Variants in GRIP2 observed in about 807,000 individuals in gnomAD.
GRIP2 encodes the protein glutamate receptor interacting protein 2.
A neutral mutation model predicts 108.3 loss-of-function variants in GRIP2; 58 were observed. That is an observed-to-expected ratio of 0.54 (90% CI 0.43 to 0.67). The LOEUF (loss-of-function observed/expected upper bound fraction) is 0.67, where lower values mean the gene tolerates loss of function less well. Among genes scored for constraint, GRIP2 ranks in the 30% least tolerant of loss-of-function variants. The pLI, the probability that GRIP2 is intolerant of heterozygous loss-of-function variation, is 0.00. For synonymous variants in GRIP2, 586 were observed against 598.2 expected (o/e 0.98, Z 0.30); for missense variants, 1,278 against 1,430.6 (o/e 0.89, Z 1.72).
chr3:14,548,594 C>T (rs536525357), intron 1 of GRIP2, among the ~76,000 whole-genome samples: 47 of 152,204 alleles, frequency 3.1e-4, no homozygotes, highest in Non-Finnish European at 5.9e-4. Flanking sequence ...AGAGTCCCAC[C>T]ACCCACCCAT....
intron 22 of GRIP2, 78 bp from the exon 23 acceptor site, chr3:14,495,067 G>GTCTGGCAT: frequency 6.4e-7 from 1 of 1,553,120 alleles, no homozygotes; most frequent in African/African-American, 1.4e-5. Flanking sequence ...AGGTCCTTTG[G>GTCTGGCAT]TCTGGCATTC....
rs1180226351 is a variant in GRIP2, at chr3:14,514,324, C to T, written c.1461G>A (p.Val487=). Residue 487 remains valine, a synonymous_variant, in exon 12 of 24, where the codon GTG becomes GTA. Coordinates refer to ENST00000621039, the MANE Select transcript of GRIP2 (RefSeq NM_001080423.4). ...ATETLSSPPL[V]CFIEPDSPAE... ...CCGGACTGTCAGGCTCGATGAAGCA[C>T]ACGAGGGGTGGGGAGGACAGGGTCT... is the stretch of plus-strand genomic sequence containing the variant. The T allele has an allele frequency of 6.3e-7, 1 of 1,574,860 alleles. No individual in the cohort carries two copies. Among genetic ancestry groups the T allele is most frequent in the Non-Finnish European group, 8.6e-7 (1 of 1,161,720 alleles).
chr3:14,598,156 C>G, the GRIP2 span, among the ~76,000 whole-genome samples: 1 of 151,652 alleles, frequency 6.6e-6, no homozygotes, highest in Admixed American at 6.6e-5. Context: ...GGACCTGGGG[C>G]AATGAACATT....
chr3:14,509,710 T>A, intron 17 of GRIP2, 110 bp downstream of exon 17: 1 of 1,117,314 alleles, frequency 9.0e-7, no homozygotes, highest in Non-Finnish European at 1.2e-6. Flanking sequence ...TCACCCACAG[T>A]GTCAATGTTG....
chr3:14,545,726 A>G (rs139849837), upstream of GRIP2, among the ~76,000 whole-genome samples: 7 of 152,352 alleles, frequency 4.6e-5, no homozygotes, highest in Non-Finnish European at 1.0e-4. Flanking sequence ...TCAGTGAATG[A>G]GCGAAACACC....
At chr3:14,597,893 G>A in the GRIP2 span, among the ~76,000 whole-genome samples, 4 of 152,180 alleles carry the variant, frequency 2.6e-5, no homozygotes, top group African/African-American at 9.7e-5. Context: ...GGTACAAGGA[G>A]ACATTTAAAA....
At chr3:14,499,361 C>T (rs1693703635) in intron 21 of GRIP2, among the ~76,000 whole-genome samples, 1 of 151,992 alleles carries the variant, frequency 6.6e-6, no homozygotes, top group Admixed American at 6.6e-5. Flanking sequence ...AGCCCACCTG[C>T]CCACAGACAA....
At chr3:14,558,835 A>G (rs1432888727), upstream of GRIP2, among the ~76,000 whole-genome samples, 1 of 152,168 alleles carries the variant, frequency 6.6e-6, no homozygotes, top group Admixed American at 6.5e-5. Context: ...CCCAGCCTGA[A>G]AACTCCCTGA....
At chr3:14,545,087 C>T (rs1187893764), upstream of GRIP2, among the ~76,000 whole-genome samples, 1 of 152,162 alleles carries the variant, frequency 6.6e-6, no homozygotes, top group Non-Finnish European at 1.5e-5. Flanking sequence ...CTCCGACAGC[C>T]GCAAGAGCAA....
rs1376555084 is a variant in GRIP2, at chr3:14,511,566, GA to G, written c.1721-88del. 2 of 1,276,158 alleles carry G rather than the reference GA, an allele frequency of 1.6e-6. No individual in the cohort carries two copies. The highest frequency in any genetic ancestry group is 2.2e-6 in the Non-Finnish European group (2 of 893,016). 79.1% of individuals were successfully genotyped at this position (1,276,158 alleles called of 1,614,324 possible). On this transcript the variant is annotated intron_variant, in intron 14 of 23. Transcript: ENST00000621039. The surrounding 1 kb of genome is among the most constrained non-coding windows in gnomAD (Gnocchi z 4.1). ...GCCCAGGGGTCTGAGTGTGGACTCG[GA>G]GCCACTGGTCCTACTCACATCCTGG...
chr3:14,562,448 A>C, the GRIP2 span, among the ~76,000 whole-genome samples: 1 of 152,216 alleles, frequency 6.6e-6, no homozygotes, highest in Non-Finnish European at 1.5e-5. Flanking sequence ...TCTGAAAAGA[A>C]AAAAATAAAA....
In GRIP2 at chr3:14,507,050, A is replaced by G; in HGVS notation, c.2219-70T>C. On this transcript the variant is annotated intron_variant, in intron 18 of 23. Coordinates refer to ENST00000621039, the MANE Select transcript of GRIP2 (RefSeq NM_001080423.4). This position sits in a 1 kb window ranked among gnomAD's most constrained non-coding sequence, Gnocchi z 4.6. The stretch of plus-strand genomic sequence containing the variant: ...CAGTGAGCCTCAGTTTCTGCATTTC[A>G]GCCTGGTCTGGAAACTCACAGGCAG... 7.0e-7 allele frequency: 1 copy of G among 1,436,184 alleles called. No homozygotes were observed. Among genetic ancestry groups the G allele is most frequent in the East Asian group, 2.5e-5 (1 of 40,036 alleles). 89.0% of individuals were successfully genotyped at this position (1,436,184 alleles called of 1,614,324 possible).
At chr3:14,578,652 G>A in the GRIP2 span, among the ~76,000 whole-genome samples, 1 of 152,150 alleles carries the variant, frequency 6.6e-6, no homozygotes, top group African/African-American at 2.4e-5. Context: ...GGGAGGCAAA[G>A]GTTGCAGTGA....
chr3:14,544,294 A>C (rs1348197854), upstream of GRIP2, among the ~76,000 whole-genome samples: 1 of 152,188 alleles, frequency 6.6e-6, no homozygotes, highest in South Asian at 2.1e-4. Context: ...CACTGGCACT[A>C]GAGTTGGGGC....
At chr3:14,556,126 A>G (rs1197438093), upstream of GRIP2, 1 of 396,572 alleles carries the variant, frequency 2.5e-6, no homozygotes, top group African/African-American at 2.1e-5. Flanking sequence ...CCCCGGAGCC[A>G]GCGGTGGCAT....
chr3:14,535,378 T>G (rs962534666), intron 1 of GRIP2, among the ~76,000 whole-genome samples: 1 of 152,186 alleles, frequency 6.6e-6, no homozygotes, highest in Non-Finnish European at 1.5e-5. Flanking sequence ...GCCCACCTCA[T>G]GGGTTGCTGG....
intron 23 of GRIP2, among the ~76,000 whole-genome samples, chr3:14,494,224 A>C (rs1157267947): frequency 6.6e-6 from 1 of 152,232 alleles, no homozygotes; most frequent in Admixed American, 6.5e-5. Context: ...TTTCACTCCT[A>C]ATGGAGACAA....
chr3:14,496,837 T>C (rs1205473900), intron 21 of GRIP2, among the ~76,000 whole-genome samples: 1 of 152,254 alleles, frequency 6.6e-6, no homozygotes, highest in Non-Finnish European at 1.5e-5. Flanking sequence ...ACTCATTTTA[T>C]TCTCTACAGT....
At chr3:14,525,401 C>A (rs757623763) in intron 3 of GRIP2, 36 bp downstream of exon 3, 94 of 1,603,130 alleles carry the variant, frequency 5.9e-5, no homozygotes, top group Middle Eastern at 3.3e-4. Context: ...TGCCTCTGCA[C>A]CCCCCTCCTG....
Sources: gnomAD v4.1 joint callset for allele counts (sites outside exome capture counted in the v4.1 genomes callset) on GRCh38, gnomAD v4.1.1 for gene constraint, Gnocchi (gnomAD v3.1) non-coding constraint, MANE v1.5 for transcripts, NCBI Gene and HGNC (gene_info 2026-07-23, HGNC 2026-07-21) for gene names.